IGF1: variants seen among roughly 807,000 people sequenced by gnomAD.
The protein encoded by IGF1 is insulin like growth factor 1, also known as insulin-like growth factor 1.
In IGF1, 4 loss-of-function variants were observed where a neutral mutation model predicts 13.8. The ratio of observed to expected loss-of-function variants is 0.29; its 90% CI spans 0.14 to 0.66. IGF1 has a LOEUF of 0.66. IGF1 is among the 30% of genes least tolerant of loss of function. The probability of loss-of-function intolerance (pLI) is 0.78; values close to 1 mark genes in which losing one functional copy is unlikely to be tolerated. For missense variants in IGF1, 124 were observed against 188.5 expected, an observed-to-expected ratio of 0.66 and a Z score of 2.00; for synonymous variants, 76 against 72.6, an observed-to-expected ratio of 1.05 and a Z score of -0.23.
intron 2 of IGF1, among the ~76,000 whole-genome samples, chr12:102,447,050 G>C (rs1426614993): frequency 6.6e-6 from 1 of 152,084 alleles, no homozygotes; most frequent in Admixed American, 6.5e-5. Flanking sequence ...TGAGTTTCTT[G>C]ATCCTGAGTT....
chr12:102,462,358 T>G (rs888364182), intron 2 of IGF1, among the ~76,000 whole-genome samples: 1 of 152,156 alleles, frequency 6.6e-6, no homozygotes, highest in East Asian at 1.9e-4. Flanking sequence ...TCAAAATCAT[T>G]TATATTCATT....
At chr12:102,444,714 A>G (rs577197062) in intron 2 of IGF1, among the ~76,000 whole-genome samples, 1 of 152,256 alleles carries the variant, frequency 6.6e-6, no homozygotes, top group East Asian at 1.9e-4. Flanking sequence ...TACCTGCTAC[A>G]TTGAAAGCAC....
rs200102603 is a variant in IGF1 at position 102,468,012 on chromosome 12, A to G, written c.220+7631T>C. Among the ~76,000 whole-genome samples the G allele has an allele frequency of 1.1e-4, 17 of 152,346 alleles. No homozygotes were observed. In the East Asian group the frequency reaches 3.1e-3, roughly 28 times the overall value. ...ATAATATTGACAAGTTTATTTTTCA[A>G]GGACTTCTAAGTTTGTAGCAATCTT... On this transcript the variant is annotated intron_variant, in intron 2 of 3. Coordinates refer to ENST00000337514, the MANE Select transcript of IGF1 (RefSeq NM_000618.5).
chr12:102,424,702 C>T (rs1876041380), intron 2 of IGF1, among the ~76,000 whole-genome samples: 1 of 152,116 alleles, frequency 6.6e-6, no homozygotes, highest in Non-Finnish European at 1.5e-5. Flanking sequence ...AGAATCACCT[C>T]CCAATATTTC....
rs769499253 is a variant in IGF1, at chr12:102,402,529, C to T, written c.440G>A (p.Gly147Glu). The T allele has an allele frequency of 2.6e-6, 2 of 780,730 alleles. No individual in the cohort carries two copies. Among genetic ancestry groups the T allele is most frequent in the East Asian group, 2.4e-5 (1 of 41,264 alleles). The allele number at this position is 780,730 out of a possible 1,614,324, so 48.4% of individuals were successfully genotyped here. The stretch of plus-strand genomic sequence containing the variant: ...TTCCTACATCCTGTAGTTCTTGTTT[C>T]CTGCACTCCCTCTACTTGCGTTCTT... ...HLKNASRGSA[G>E]NKNYRM Residue 147 changes from glycine (G) to glutamate (E), a missense_variant, in exon 4 of 4, where the codon GGA becomes GAA. By Grantham distance (98) the Gly-to-Glu change is moderately conservative. Coordinates refer to ENST00000337514, the MANE Select transcript of IGF1 (RefSeq NM_000618.5).
intron 2 of IGF1, among the ~76,000 whole-genome samples, chr12:102,445,857 T>C (rs1424214340): frequency 1.3e-5 from 2 of 152,216 alleles, no homozygotes; most frequent in African/African-American, 4.8e-5. Flanking sequence ...CAGTATGATA[T>C]TGGCTGTGGG....
intron 2 of IGF1, among the ~76,000 whole-genome samples, chr12:102,451,251 A>G (rs1328606031): frequency 6.6e-6 from 1 of 152,262 alleles, no homozygotes; most frequent in Non-Finnish European, 1.5e-5. Flanking sequence ...TAACTCTTTG[A>G]TGCATTTGAT....
At chr12:102,478,484 C>T (rs1881209428) in intron 1 of IGF1, 3 of 1,597,700 alleles carry the variant, frequency 1.9e-6, no homozygotes, top group East Asian at 2.2e-5. Context: ...AGAAAATACT[C>T]ACTGTAGGTG....
intron 2 of IGF1, among the ~76,000 whole-genome samples, chr12:102,464,003 G>T (rs1880118179): frequency 6.6e-6 from 1 of 152,180 alleles, no homozygotes; most frequent in Admixed American, 6.5e-5. Context: ...TTGGCAAATA[G>T]AAACCACTTG....
chr12:102,426,058 T>C (rs1207183262), intron 2 of IGF1, among the ~76,000 whole-genome samples: 3 of 152,242 alleles, frequency 2.0e-5, no homozygotes, highest in African/African-American at 7.2e-5. Flanking sequence ...TTAGCTACCA[T>C]TTTCTAGTTA....
At chr12:102,430,031 A>T (rs1307103820) in intron 2 of IGF1, among the ~76,000 whole-genome samples, 2 of 152,206 alleles carry the variant, frequency 1.3e-5, no homozygotes, top group African/African-American at 4.8e-5. Context: ...ACACTGGGCC[A>T]GGATAACTGC....
At chr12:102,451,983 CCGGG>C (rs1219216147) in intron 2 of IGF1, among the ~76,000 whole-genome samples, 1 of 152,138 alleles carries the variant, frequency 6.6e-6, no homozygotes, top group African/African-American at 2.4e-5. Context: ...TCTACTTCGG[CCGGG>C]CGCGGTGGCT....
At chr12:102,468,500 C>T (rs1880475083) in intron 2 of IGF1, among the ~76,000 whole-genome samples, 1 of 152,226 alleles carries the variant, frequency 6.6e-6, no homozygotes, top group Admixed American at 6.5e-5. Flanking sequence ...CAATGTGAGA[C>T]TAAACAATGC....
intron 2 of IGF1, among the ~76,000 whole-genome samples, chr12:102,421,519 G>A (rs1199860004): frequency 6.6e-6 from 1 of 152,154 alleles, no homozygotes; most frequent in African/African-American, 2.4e-5. Flanking sequence ...TCTCTTGTGG[G>A]TGGGGAGGAA....
At chr12:102,455,730 C>A (rs1223135698) in intron 2 of IGF1, among the ~76,000 whole-genome samples, 1 of 152,178 alleles carries the variant, frequency 6.6e-6, no homozygotes, top group Non-Finnish European at 1.5e-5. Context: ...AGGGAAGAGA[C>A]CAGCATTCTA....
At chr12:102,415,548 T>TTCCTTCCTTCCTTCCTTCCTCCCTTCCG (rs1875035106) in intron 3 of IGF1, among the ~76,000 whole-genome samples, 1 of 101,976 alleles carries the variant, frequency 9.8e-6, no homozygotes, top group African/African-American at 4.0e-5. Context: ...TTCCCTTTCC[T>TTCCTTCCTTCCTTCCTTCCTCCCTTCCG]TCCTTCCTTC....
intron 3 of IGF1, among the ~76,000 whole-genome samples, chr12:102,409,191 A>C (rs1048876635): frequency 2.0e-5 from 3 of 152,214 alleles, no homozygotes; most frequent in Non-Finnish European, 4.4e-5. Context: ...AGTTGTATGC[A>C]GGAGAGTCTA....
intron 2 of IGF1, among the ~76,000 whole-genome samples, chr12:102,436,653 A>T (rs1423453360): frequency 6.6e-6 from 1 of 152,172 alleles, no homozygotes; most frequent in East Asian, 1.9e-4. Flanking sequence ...TGCCCATAGA[A>T]CCACAGTAAT....
intron 2 of IGF1, among the ~76,000 whole-genome samples, chr12:102,450,146 T>C (rs1565991996): frequency 6.6e-6 from 1 of 152,224 alleles, no homozygotes. Flanking sequence ...GGGAAGTGCT[T>C]TCTTCCCAGG....
Sources: allele counts gnomAD v4.1 joint callset (sites outside exome capture counted in the v4.1 genomes callset), GRCh38; gene constraint gnomAD v4.1.1; transcripts MANE v1.5; gene names NCBI Gene and HGNC (gene_info 2026-07-23, HGNC 2026-07-21).